GPR158: variants seen among roughly 807,000 people sequenced by gnomAD.
GPR158 encodes the protein metabotropic glycine receptor.
Under a neutral mutation model 78.2 loss-of-function variants are expected in GPR158, and 30 were observed. That is an observed-to-expected ratio of 0.38 (90% confidence interval 0.29 to 0.52). GPR158 has a LOEUF of 0.52. GPR158 is among the 20% of genes least tolerant of loss of function. GPR158 has a pLI of 0.83. For missense variants in GPR158, 1,463 were observed against 1,523.5 expected, an observed-to-expected ratio of 0.96 and a Z score of 0.66; for synonymous variants, 581 against 591.1, an observed-to-expected ratio of 0.98 and a Z score of 0.25.
chr10:25,326,726 T>C (rs1437299921), intron 2 of GPR158, among the ~76,000 whole-genome samples: 1 of 152,192 alleles, frequency 6.6e-6, no homozygotes, highest in East Asian at 1.9e-4. Context: ...TATACTTGAA[T>C]ATTATTAAGA....
chr10:25,588,174 TTTTA>T (rs1271675226), intron 7 of GPR158, among the ~76,000 whole-genome samples: 1 of 152,268 alleles, frequency 6.6e-6, no homozygotes, highest in Non-Finnish European at 1.5e-5. Flanking sequence ...CTATGCATTA[TTTTA>T]TTTAATTAGC....
chr10:25,454,411 G>A (rs898102309), intron 4 of GPR158, among the ~76,000 whole-genome samples: 1 of 152,100 alleles, frequency 6.6e-6, no homozygotes, highest in African/African-American at 2.4e-5. Context: ...TTCTTTATAA[G>A]ACAGATTAAG....
rs1588888833 is a variant in GPR158, at chr10:25,500,777, CAA to C, written c.1404+34060_1404+34061del. 3.3e-5 allele frequency among the ~76,000 whole-genome samples: 5 copies of C among 152,286 alleles called. 1 individual carries two copies. In the South Asian group the frequency reaches 6.2e-4, roughly 19 times the overall value. ...GATAAATGAACAGCATTTACAGTCA[CAA>C]AGTTATTGCACATGGCAGCTTATTG... is the stretch of plus-strand genomic sequence containing the variant. On this transcript the variant is annotated intron_variant, in intron 5 of 10. Coordinates refer to ENST00000376351, the MANE Select transcript of GPR158 (RefSeq NM_020752.3).
At chr10:25,431,674 C>T (rs966254904) in intron 4 of GPR158, among the ~76,000 whole-genome samples, 3 of 149,926 alleles carry the variant, frequency 2.0e-5, no homozygotes, top group African/African-American at 7.4e-5. Flanking sequence ...GAATACTATG[C>T]AGCCATAAAA....
intron 2 of GPR158, among the ~76,000 whole-genome samples, chr10:25,324,257 A>G (rs1170582529): frequency 1.3e-5 from 2 of 152,186 alleles, no homozygotes; most frequent in Non-Finnish European, 1.5e-5. Context: ...CTAAGTAATC[A>G]TTTCTTGCTT....
intron 4 of GPR158, among the ~76,000 whole-genome samples, chr10:25,453,522 G>A (rs1396223245): frequency 6.6e-6 from 1 of 152,018 alleles, no homozygotes; most frequent in African/African-American, 2.4e-5. Flanking sequence ...TCATATACCA[G>A]TTGGCTATTT....
chr10:25,361,477 GTAAT>G (rs771837908), intron 2 of GPR158, among the ~76,000 whole-genome samples: 26 of 151,904 alleles, frequency 1.7e-4, no homozygotes, highest in Non-Finnish European at 2.4e-4. Context: ...GGATCATATG[GTAAT>G]TATATTTTTG....
chr10:25,561,170 A>G (rs1398408646), intron 6 of GPR158, among the ~76,000 whole-genome samples: 1 of 152,224 alleles, frequency 6.6e-6, no homozygotes. Flanking sequence ...TGATGCTATT[A>G]TGCAACCATC....
rs1191789023 is a variant in GPR158, at chr10:25,352,109, GC to G, written c.1009-43800del. Among the ~76,000 whole-genome samples, 6 of 152,130 alleles carry G rather than the reference GC, an allele frequency of 3.9e-5. No homozygotes were observed. The East Asian group carries it at 1.2e-3, about 30-fold the overall frequency. On this transcript the variant is annotated intron_variant, in intron 2 of 10. Transcript: ENST00000376351. ...CTGCAACCTCCCAAACTAAAAGATG[GC>G]CTCTGGATCTGCAGAAGGCCTCCAG...
chr10:25,558,231 G>A (rs1836810886), intron 6 of GPR158, among the ~76,000 whole-genome samples: 1 of 152,222 alleles, frequency 6.6e-6, no homozygotes. Context: ...GTGCGCACGT[G>A]AGTGTGTGTT....
intron 2 of GPR158, among the ~76,000 whole-genome samples, chr10:25,300,332 T>A (rs1588784428): frequency 1.3e-5 from 2 of 152,328 alleles, no homozygotes; most frequent in East Asian, 3.9e-4. Context: ...CTGAGCATTC[T>A]TCCATAGTCA....
chr10:25,234,437 G>T (rs16925478), intron 2 of GPR158, among the ~76,000 whole-genome samples: 21,434 of 152,076 alleles, frequency 0.14, 1,953 homozygotes, highest in East Asian at 0.33. Context: ...GTGCATTATG[G>T]GTAAGAATGT....
At chr10:25,473,168 T>C (rs1003885516) in intron 5 of GPR158, among the ~76,000 whole-genome samples, 3 of 151,178 alleles carry the variant, frequency 2.0e-5, no homozygotes, top group Non-Finnish European at 2.9e-5. Flanking sequence ...GCATGAACGG[T>C]TGTTGAATTT....
chr10:25,596,122 A>G (rs1837401235), intron 9 of GPR158, among the ~76,000 whole-genome samples: 1 of 152,178 alleles, frequency 6.6e-6, no homozygotes, highest in Admixed American at 6.5e-5. Flanking sequence ...GGAAATGGAC[A>G]ATATATGACA....
chr10:25,560,386 C>A lies in GPR158; in HGVS notation c.1514+9301C>A, dbSNP rs1054253866. Among the ~76,000 whole-genome samples the A allele has an allele frequency of 3.9e-5, 6 of 152,276 alleles. No homozygotes were observed. The South Asian group carries it at 1.0e-3, about 26-fold the overall frequency. Reference sequence around the variant, plus strand: ...GTTCACACCATTCTCCTGCCTCAGCCTCCTGAGTAGCTGGGACTACAGGTG... The same window carrying A: ...GTTCACACCATTCTCCTGCCTCAGCATCCTGAGTAGCTGGGACTACAGGTG... On this transcript the variant is annotated intron_variant, in intron 6 of 10. Coordinates refer to ENST00000376351, the MANE Select transcript of GPR158 (RefSeq NM_020752.3).
chr10:25,343,957 C>T (rs892362710), intron 2 of GPR158, among the ~76,000 whole-genome samples: 11 of 151,888 alleles, frequency 7.2e-5, no homozygotes, highest in Non-Finnish European at 1.0e-4. Context: ...AGAGAAAAAT[C>T]GGTCATAGAG....
At chr10:25,524,825 T>C (rs1180561610) in intron 5 of GPR158, among the ~76,000 whole-genome samples, 1 of 152,176 alleles carries the variant, frequency 6.6e-6, no homozygotes, top group African/African-American at 2.4e-5. Flanking sequence ...CAAGTTATAC[T>C]ACCAAGAAAG....
chr10:25,571,480 C>G (rs954523078), intron 6 of GPR158, among the ~76,000 whole-genome samples: 1 of 152,094 alleles, frequency 6.6e-6, no homozygotes, highest in Non-Finnish European at 1.5e-5. Context: ...ATTCATATGA[C>G]TTAAAATTAT....
chr10:25,575,066 C>CA (rs143994163), intron 7 of GPR158, among the ~76,000 whole-genome samples: 55,870 of 120,802 alleles, frequency 0.46, 11,921 homozygotes, highest in African/African-American at 0.51. Context: ...GACTCCATCT[C>CA]AAAAAAAAAA....
Sources: allele counts gnomAD v4.1 joint callset (sites outside exome capture counted in the v4.1 genomes callset), GRCh38; gene constraint gnomAD v4.1.1; transcripts MANE v1.5; gene names NCBI Gene and HGNC (gene_info 2026-07-23, HGNC 2026-07-21).